DLGAP2: variants seen among roughly 807,000 people sequenced by gnomAD.
The protein encoded by DLGAP2 is DLG associated protein 2.
DLGAP2 carries 26 observed loss-of-function variants against 100.3 expected under a neutral mutation model. The ratio of observed to expected loss-of-function variants is 0.26; its 90% CI spans 0.19 to 0.36. DLGAP2 has a LOEUF of 0.36. Among genes scored for constraint, DLGAP2 ranks in the 10% least tolerant of loss-of-function variants. The probability of loss-of-function intolerance (pLI) is 1.00; values close to 1 mark genes in which losing one functional copy is unlikely to be tolerated. For synonymous variants in DLGAP2, 886 were observed against 630.1 expected (o/e 1.41, Z -6.08); for missense variants, 1,858 against 1,453.2 (o/e 1.28, Z -4.53).
intron 4 of DLGAP2, among the ~76,000 whole-genome samples, chr8:1,518,674 A>G (rs993440569): frequency 1.3e-5 from 2 of 152,162 alleles, no homozygotes; most frequent in African/African-American, 4.8e-5. Flanking sequence ...GCCATGGACA[A>G]TGGTTCTTGA....
At chr8:1,244,489 G>A (rs567220789) in intron 2 of DLGAP2, among the ~76,000 whole-genome samples, 8 of 152,322 alleles carry the variant, frequency 5.3e-5, no homozygotes, top group East Asian at 3.9e-4. Context: ...ATTAGTTCCC[G>A]ATGGAGGGCT....
At chr8:1,077,992 G>A (rs1803678565) in intron 2 of DLGAP2, among the ~76,000 whole-genome samples, 2 of 152,186 alleles carry the variant, frequency 1.3e-5, no homozygotes, top group South Asian at 4.2e-4. Context: ...CTCTGTGGCT[G>A]TTGCCAGCTC....
At chr8:1,130,659 G>C (rs987853109) in intron 2 of DLGAP2, among the ~76,000 whole-genome samples, 1 of 152,258 alleles carries the variant, frequency 6.6e-6, no homozygotes, top group Non-Finnish European at 1.5e-5. Context: ...AGGCTGCACA[G>C]CAGCATCTTC....
At chr8:1,173,618 C>G (rs939279776) in intron 2 of DLGAP2, among the ~76,000 whole-genome samples, 3 of 152,162 alleles carry the variant, frequency 2.0e-5, no homozygotes, top group African/African-American at 7.2e-5. Flanking sequence ...TCCCTGCCGC[C>G]TAGTTTGATC....
chr8:1,190,967 G>C (rs574245194), intron 2 of DLGAP2, among the ~76,000 whole-genome samples: 8 of 152,146 alleles, frequency 5.3e-5, no homozygotes, highest in Non-Finnish European at 1.0e-4. Flanking sequence ...CGCAGCGAGG[G>C]GGGTGGGTGA....
intron 3 of DLGAP2, among the ~76,000 whole-genome samples, chr8:1,437,730 G>A (rs1380584170): frequency 1.3e-5 from 2 of 150,510 alleles, no homozygotes; most frequent in Non-Finnish European, 1.5e-5. Flanking sequence ...CACTTTGGGA[G>A]GCGAAGGCAG....
At chr8:921,166 T>C (rs1279709395) in intron 2 of DLGAP2, among the ~76,000 whole-genome samples, 1 of 152,194 alleles carries the variant, frequency 6.6e-6, no homozygotes, top group Non-Finnish European at 1.5e-5. Flanking sequence ...TCTTCCTTTT[T>C]TGTTTATAGT....
Position 1,688,642 on chromosome 8 carries a change from A to G in DLGAP2, c.2705-2893A>G, listed in dbSNP as rs373898224. ...TTCTTTCCCATTTTCTGCATGTGTG[A>G]AAGGTTTCATAATAAAACTTTGGGG... On this transcript the variant is annotated intron_variant, in intron 12 of 14. Transcript: ENST00000637795. Among the ~76,000 whole-genome samples the G allele has an allele frequency of 1.6e-4, 24 of 152,308 alleles. No homozygotes were observed. In the South Asian group the frequency reaches 4.8e-3, roughly 30 times the overall value.
chr8:785,465 C>G, intron 1 of DLGAP2, among the ~76,000 whole-genome samples: 1 of 149,286 alleles, frequency 6.7e-6, no homozygotes, highest in Admixed American at 6.7e-5. Context: ...AGACCGGCCT[C>G]CCTCCTCCCC....
At chr8:1,411,397 A>AAT (rs1308436619) in intron 3 of DLGAP2, among the ~76,000 whole-genome samples, 18 of 152,328 alleles carry the variant, frequency 1.2e-4, no homozygotes, top group African/African-American at 4.1e-4. Flanking sequence ...AAAGAGCATA[A>AAT]AAGCACGAAG....
chr8:795,679 A>AGGCGTCCAGTAAGAG (rs1796012659), intron 1 of DLGAP2, among the ~76,000 whole-genome samples: 12 of 26,966 alleles, frequency 4.5e-4, no homozygotes, highest in African/African-American at 1.1e-3. Context: ...TCCAGTGAGA[A>AGGCGTCCAGTAAGAG]CAGGCGTCCA....
chr8:1,029,405 CTG>C (rs1304567228), intron 2 of DLGAP2, among the ~76,000 whole-genome samples: 6 of 152,178 alleles, frequency 3.9e-5, no homozygotes, highest in Non-Finnish European at 5.9e-5. Context: ...ACAGAGGAAA[CTG>C]GAGCGAGAGG....
At chr8:1,240,988 A>G (rs1459304695) in intron 2 of DLGAP2, among the ~76,000 whole-genome samples, 1 of 7,408 alleles carries the variant, frequency 1.3e-4, no homozygotes. Context: ...GTTCTCTCAC[A>G]TGGTGCTGTG....
At chr8:1,385,924 G>A (rs1405445602) in intron 3 of DLGAP2, among the ~76,000 whole-genome samples, 2 of 152,204 alleles carry the variant, frequency 1.3e-5, no homozygotes, top group Non-Finnish European at 2.9e-5. Flanking sequence ...TTCTCCGGGA[G>A]CCACGACAAC....
Position 1,483,697 on chromosome 8 carries a change from GAGGCAGGTGCAGGACGTGGGGACCAGGA to G in DLGAP2, c.107-17656_107-17629del, listed in dbSNP as rs1271561782. ...GCAGGTGCAGGAGGTGGGGACCAGG[GAGGCAGGTGCAGGACGTGGGGACCAGGA>G]AGGCAGGTGCAGAATGTGGGGACCA... On this transcript the variant is annotated intron_variant, in intron 3 of 14. Transcript: ENST00000637795. Among the ~76,000 whole-genome samples, 153 of 151,636 alleles carry G rather than the reference GAGGCAGGTGCAGGACGTGGGGACCAGGA, an allele frequency of 1.0e-3. No homozygotes were observed. The East Asian group carries it at 0.021, about 21-fold the overall frequency.
At position 1,410,855 on chromosome 8, in the gene DLGAP2, CTTCCTTGTTTTCAGTTG is replaced by C. The variant is rs1329351831; in HGVS notation, c.107-90509_107-90493del. Among the ~76,000 whole-genome samples the C allele has an allele frequency of 2.8e-5, 4 of 142,572 alleles. No homozygotes were observed. In the East Asian group the frequency reaches 8.5e-4, roughly 30 times the overall value. The allele number at this position is 142,572 out of a possible 152,430, so 93.5% of individuals were successfully genotyped here. A position where few individuals can be genotyped will look rare whatever the true frequency, so the allele number is the denominator to read the frequency against. Reference sequence around the variant, plus strand: ...CCATTTTTTTTTTTTTTTTTTTAAACTTCCTTGTTTTCAGTTGTCTTATCCAGGAAGGAAGGCTGAGC... The same window carrying C: ...CCATTTTTTTTTTTTTTTTTTTAAACTCTTATCCAGGAAGGAAGGCTGAGC... On this transcript the variant is annotated intron_variant, in intron 3 of 14. Transcript: ENST00000637795.
chr8:789,173 T>C (rs1338351382), intron 1 of DLGAP2, among the ~76,000 whole-genome samples: 1 of 152,218 alleles, frequency 6.6e-6, no homozygotes, highest in African/African-American at 2.4e-5. Flanking sequence ...GTTGTATTAG[T>C]TCTTTCTCAC....
chr8:1,670,390 C>G (rs928610226), intron 10 of DLGAP2, among the ~76,000 whole-genome samples: 2 of 152,226 alleles, frequency 1.3e-5, no homozygotes, highest in Non-Finnish European at 2.9e-5. Flanking sequence ...ATGGCAGCCT[C>G]TGCTGAGTAC....
chr8:754,292 C>CGACAT (rs1366292343), intron 1 of DLGAP2: 12 of 152,200 alleles, frequency 7.9e-5, no homozygotes, highest in Admixed American at 7.9e-4. Context: ...CACTGACACA[C>CGACAT]GGTTCTGTTC....
Sources: gnomAD v4.1 joint callset for allele counts (sites outside exome capture counted in the v4.1 genomes callset) on GRCh38, gnomAD v4.1.1 for gene constraint, MANE v1.5 for transcripts, NCBI Gene and HGNC (gene_info 2026-07-23, HGNC 2026-07-21) for gene names.